Variants in HELZ observed in about 807,000 individuals in gnomAD.
The protein encoded by HELZ is ATP-dependent RNA helicase with zinc finger domain.
In HELZ, 23 loss-of-function variants were observed where a neutral mutation model predicts 218.2. That is an observed-to-expected ratio of 0.11 (90% CI 0.08 to 0.15). The LOEUF (loss-of-function observed/expected upper bound fraction) is 0.15, where lower values mean the gene tolerates loss of function less well. Ranked by LOEUF, HELZ falls within the 10% of genes least tolerant of loss-of-function variation. The pLI, the probability that HELZ is intolerant of heterozygous loss-of-function variation, is 1.00. For synonymous variants in HELZ, 814 were observed against 829.4 expected (o/e 0.98, Z 0.32); for missense variants, 1,813 against 2,353.7 (o/e 0.77, Z 4.75).
chr17:67,147,883 G>A (rs1306548097), intron 20 of HELZ, among the ~76,000 whole-genome samples: 4 of 152,248 alleles, frequency 2.6e-5, no homozygotes, highest in Non-Finnish European at 5.9e-5. Flanking sequence ...AACACGTGGA[G>A]GTTCTGGATG....
intron 17 of HELZ, among the ~76,000 whole-genome samples, chr17:67,151,444 G>A (rs555591747): frequency 6.6e-6 from 1 of 152,274 alleles, no homozygotes; most frequent in African/African-American, 2.4e-5. Flanking sequence ...GAAAGTATAT[G>A]CAGTACCACA....
chr17:67,230,945 A>T (rs1278773348), intron 3 of HELZ, among the ~76,000 whole-genome samples: 1 of 152,246 alleles, frequency 6.6e-6, no homozygotes, highest in East Asian at 1.9e-4. Flanking sequence ...TATATGGTAT[A>T]ATCCCATTTT....
At chr17:67,206,598 CTTT>C (rs60076524) in intron 5 of HELZ, among the ~76,000 whole-genome samples, 1 of 137,826 alleles carries the variant, frequency 7.3e-6, no homozygotes, top group Non-Finnish European at 1.6e-5. Flanking sequence ...CATATTAGGA[CTTT>C]TTTTTTTTTT....
Position 67,203,459 on chromosome 17 carries a change from A to G in HELZ, c.248-16T>C, listed in dbSNP as rs754608493. 2 of 1,612,868 alleles carry G rather than the reference A, an allele frequency of 1.2e-6. No individual in the cohort carries two copies. The highest frequency in any genetic ancestry group is 1.7e-6 in the Non-Finnish European group (2 of 1,179,494). ...TCTCCCAGCACTGCCATGAAAGAAC[A>G]GCCATCATTAACCATATGACATTTA... On this transcript the variant is annotated splice_polypyrimidine_tract_variant and intron_variant, in intron 5 of 32. Coordinates refer to ENST00000358691, the MANE Select transcript of HELZ (RefSeq NM_014877.4).
chr17:67,076,408 T>C lies in HELZ; in HGVS notation c.*1844A>G, dbSNP rs2036020233. On this transcript the variant is annotated 3_prime_UTR_variant, in exon 33 of 33. Transcript: ENST00000358691. ...TACAGAGAAAGAGTGGTGCTGTAAC[T>C]TGCCGGCTCAGTTTTCCAGCTGTGA... 1 of 152,250 alleles carries C rather than the reference T, an allele frequency of 6.6e-6. No homozygotes were observed. The highest frequency in any genetic ancestry group is 1.5e-5 in the Non-Finnish European group (1 of 68,054). The allele number at this position is 152,250 out of a possible 1,614,324, so 9.4% of individuals were successfully genotyped here.
intron 28 of HELZ, among the ~76,000 whole-genome samples, chr17:67,113,338 C>T (rs1271650255): frequency 6.6e-6 from 1 of 152,006 alleles, no homozygotes; most frequent in Admixed American, 6.5e-5. Flanking sequence ...TGGCTCACTG[C>T]AAGCTCCGCC....
intron 31 of HELZ, among the ~76,000 whole-genome samples, chr17:67,089,686 G>GAC (rs1404805383): frequency 7.8e-6 from 1 of 128,444 alleles, no homozygotes; most frequent in East Asian, 2.6e-4. Context: ...GAGAGAGAGA[G>GAC]AGAGAGAGAG....
At chr17:67,142,911 C>A (rs925577302) in intron 21 of HELZ, among the ~76,000 whole-genome samples, 15 of 152,220 alleles carry the variant, frequency 9.9e-5, no homozygotes, top group African/African-American at 3.4e-4. Flanking sequence ...CACCTGCCAC[C>A]ATGCCCAGCT....
intron 23 of HELZ, among the ~76,000 whole-genome samples, 178 bp downstream of exon 23, chr17:67,135,792 C>T (rs1439570611): frequency 6.6e-6 from 1 of 152,160 alleles, no homozygotes; most frequent in Non-Finnish European, 1.5e-5. Flanking sequence ...TCAATGAATA[C>T]ACAATTATGC....
At chr17:67,115,585 A>C (rs1043293504) in intron 27 of HELZ, among the ~76,000 whole-genome samples, 1 of 152,124 alleles carries the variant, frequency 6.6e-6, no homozygotes, top group African/African-American at 2.4e-5. Context: ...TGTTACATAC[A>C]GAAAAACACA....
intron 7 of HELZ, among the ~76,000 whole-genome samples, chr17:67,196,233 C>CT (rs1480967676): frequency 9.9e-5 from 15 of 152,270 alleles, no homozygotes; most frequent in Admixed American, 9.8e-4. Flanking sequence ...CCCACTCACT[C>CT]TGAGATGAGC....
At chr17:67,200,924 AGAG>A in intron 7 of HELZ, 4 of 545,762 alleles carry the variant, frequency 7.3e-6, no homozygotes, top group Non-Finnish European at 1.3e-5. Context: ...CCTGGCACAC[AGAG>A]GAGACATGTG....
At chr17:67,144,054 C>T (rs936485423) in intron 21 of HELZ, among the ~76,000 whole-genome samples, 3 of 152,094 alleles carry the variant, frequency 2.0e-5, no homozygotes, top group Non-Finnish European at 2.9e-5. Context: ...ATATCATTTT[C>T]CCCTACGAAT....
At chr17:67,162,413 T>C (rs2039018320) in intron 15 of HELZ, among the ~76,000 whole-genome samples, 2 of 152,160 alleles carry the variant, frequency 1.3e-5, no homozygotes, top group African/African-American at 4.8e-5. Flanking sequence ...TATTTCAGAG[T>C]CCCTCAGCAT....
chr17:67,237,783 G>C lies in HELZ; in HGVS notation c.-19+1650C>G, dbSNP rs148615586. Among the ~76,000 whole-genome samples the C allele has an allele frequency of 4.3e-3, 658 of 151,524 alleles. 26 individuals carry two copies. The East Asian group carries it at 0.095, about 22-fold the overall frequency. On this transcript the variant is annotated intron_variant, in intron 3 of 32. Transcript: ENST00000358691. ...GCGGGTGGATCACTTGAGGTCAGGA[G>C]TTCGAGACCAGCCTGACCAACATGG...
intron 24 of HELZ, among the ~76,000 whole-genome samples, chr17:67,127,037 G>T (rs1321165811): frequency 1.3e-5 from 2 of 152,166 alleles, no homozygotes; most frequent in African/African-American, 4.8e-5. Context: ...TCTAGGCACA[G>T]AGGTGAGAGC....
intron 3 of HELZ, among the ~76,000 whole-genome samples, chr17:67,227,284 C>G (rs906168083): frequency 4.0e-5 from 6 of 151,870 alleles, no homozygotes; most frequent in African/African-American, 1.2e-4. Flanking sequence ...CCTCCACCTC[C>G]CAGGTTCAAG....
rs377128871 is a variant in HELZ at position 67,160,280 on chromosome 17, G to A, written c.2158C>T (p.Pro720Ser). The change falls in exon 17 of 33, where the codon CCC becomes TCC. Residue 720 changes from proline (P) to serine (S), a missense_variant. Coordinates refer to ENST00000358691, the MANE Select transcript of HELZ (RefSeq NM_014877.4). ...YLHPYVEAGN[P>S]QARPLRVYFR... ...AAATACCTGAGAGGTCTTGCCTGGG[G>A]ATTGCCTGCTTCTACATATGGATGT... is the stretch of plus-strand genomic sequence containing the variant. The A allele has an allele frequency of 6.2e-7, 1 of 1,606,528 alleles. No individual in the cohort carries two copies. The highest frequency in any genetic ancestry group is 1.7e-4 in the Middle Eastern group (1 of 6,046).
At chr17:67,119,470 G>A (rs1175317974) in intron 27 of HELZ, among the ~76,000 whole-genome samples, 1 of 152,132 alleles carries the variant, frequency 6.6e-6, no homozygotes, top group East Asian at 1.9e-4. Flanking sequence ...AGGGCTGGGA[G>A]CTGGAGGATG....
Sources: allele counts gnomAD v4.1 joint callset (sites outside exome capture counted in the v4.1 genomes callset), GRCh38; gene constraint gnomAD v4.1.1; transcripts MANE v1.5; gene names NCBI Gene and HGNC (gene_info 2026-07-23, HGNC 2026-07-21).